FNDC3B: variants seen among roughly 807,000 people sequenced by gnomAD.
FNDC3B encodes the protein fibronectin type III domain-containing protein 3B.
In FNDC3B, 12 loss-of-function variants were observed where a neutral mutation model predicts 151.5. The ratio of observed to expected loss-of-function variants is 0.08; its 90% CI spans 0.05 to 0.13. FNDC3B has a LOEUF of 0.13. FNDC3B is among the 10% of genes least tolerant of loss of function. FNDC3B has a pLI of 1.00. For missense variants in FNDC3B, 1,214 were observed against 1,505.3 expected (o/e 0.81, Z 3.20); for synonymous variants, 528 against 549.0 (o/e 0.96, Z 0.54).
intron 2 of FNDC3B, among the ~76,000 whole-genome samples, chr3:172,128,472 G>A (rs931966665): frequency 6.6e-6 from 1 of 152,056 alleles, no homozygotes; most frequent in African/African-American, 2.4e-5. Context: ...GTGTTCTATG[G>A]CACACAGACT....
intron 3 of FNDC3B, among the ~76,000 whole-genome samples, chr3:172,140,722 G>A (rs1339359336): frequency 6.6e-6 from 1 of 152,216 alleles, no homozygotes; most frequent in East Asian, 1.9e-4. Context: ...AATGTCATGA[G>A]GCTGGGTTAC....
chr3:172,239,856 C>CTTT (rs71179981), intron 4 of FNDC3B, among the ~76,000 whole-genome samples: 1,511 of 49,938 alleles, frequency 0.03, 343 homozygotes, highest in Middle Eastern at 0.048. Context: ...CATTTTAGTT[C>CTTT]TTTTTTTTTT....
At chr3:172,327,943 T>G (rs56931410) in intron 11 of FNDC3B, among the ~76,000 whole-genome samples, 5,567 of 152,314 alleles carry the variant, frequency 0.037, 365 homozygotes, top group African/African-American at 0.13. Flanking sequence ...AATGCTAAGA[T>G]CCACTCAATG....
intron 4 of FNDC3B, among the ~76,000 whole-genome samples, chr3:172,245,215 A>G (rs1439002072): frequency 6.6e-6 from 1 of 152,210 alleles, no homozygotes; most frequent in Non-Finnish European, 1.5e-5. Flanking sequence ...TGATAAAATG[A>G]TCAAATAAAT....
chr3:172,142,498 G>A (rs538162955), intron 3 of FNDC3B, among the ~76,000 whole-genome samples: 3 of 152,160 alleles, frequency 2.0e-5, no homozygotes, highest in Non-Finnish European at 2.9e-5. Context: ...GAGCAGTGTC[G>A]CATTACCTCA....
At chr3:172,187,998 T>TG (rs1724286664) in intron 3 of FNDC3B, among the ~76,000 whole-genome samples, 2 of 138,890 alleles carry the variant, frequency 1.4e-5, no homozygotes, top group African/African-American at 5.4e-5. Context: ...TTTAAGCAGT[T>TG]TTTTTTTTTT....
At chr3:172,065,276 G>C (rs1435188652) in intron 1 of FNDC3B, among the ~76,000 whole-genome samples, 1 of 152,194 alleles carries the variant, frequency 6.6e-6, no homozygotes, top group African/African-American at 2.4e-5. Context: ...AGGTTGCAGT[G>C]AGCTGAGATC....
At chr3:172,313,147 C>T (rs1463652868) in intron 11 of FNDC3B, among the ~76,000 whole-genome samples, 3 of 149,632 alleles carry the variant, frequency 2.0e-5, no homozygotes, top group East Asian at 1.9e-4. Context: ...CCAGGTTAAT[C>T]GACTCTCATC....
intron 2 of FNDC3B, among the ~76,000 whole-genome samples, chr3:172,124,968 A>G (rs1378186676): frequency 6.6e-6 from 1 of 152,340 alleles, no homozygotes; most frequent in East Asian, 1.9e-4. Context: ...AGTATTTGCA[A>G]CTGGCAAATC....
At chr3:172,269,593 G>A (rs1206502634) in intron 6 of FNDC3B, among the ~76,000 whole-genome samples, 1 of 152,126 alleles carries the variant, frequency 6.6e-6, no homozygotes, top group Non-Finnish European at 1.5e-5. Flanking sequence ...TCAGATTGTA[G>A]AGCCAACTGT....
chr3:172,251,267 A>G lies in FNDC3B; in HGVS notation c.516A>G (p.Ile172Met), dbSNP rs2108775833. The G allele has an allele frequency of 6.2e-7, 1 of 1,606,940 alleles. No individual in the cohort carries two copies. The highest frequency in any genetic ancestry group is 8.5e-7 in the Non-Finnish European group (1 of 1,174,764). Residue 172 changes from isoleucine to methionine, a missense_variant, in exon 6 of 26, where the codon ATA (isoleucine) becomes ATG (methionine). By Grantham distance (10) the Ile-to-Met change is conservative. This residue lies in a region of FNDC3B where 166 missense variants were observed against 173.2 expected (regional missense o/e 0.96). Coordinates refer to ENST00000415807, the MANE Select transcript of FNDC3B (RefSeq NM_022763.4). Reference protein sequence around the residue: ...PHTIYGEQEIIPFYGMSTYIT... With the variant: ...PHTIYGEQEIMPFYGMSTYIT... ...CATAATCATCCATTTTAGAAATTAT[A>G]CCATTTTATGGAATGTCAACCTACA...
chr3:172,271,479 C>T (rs1169440409), intron 6 of FNDC3B, among the ~76,000 whole-genome samples: 2 of 151,378 alleles, frequency 1.3e-5, no homozygotes, highest in Non-Finnish European at 3.0e-5. Flanking sequence ...TATTACTCAG[C>T]ACATTTTTTG....
chr3:172,058,038 T>C (rs564645070), intron 1 of FNDC3B, among the ~76,000 whole-genome samples: 1 of 152,326 alleles, frequency 6.6e-6, no homozygotes, highest in African/African-American at 2.4e-5. Context: ...ACTGAAATCA[T>C]GTATGGATTT....
At chr3:172,259,173 C>T (rs534982949) in intron 6 of FNDC3B, among the ~76,000 whole-genome samples, 1 of 152,254 alleles carries the variant, frequency 6.6e-6, no homozygotes, top group South Asian at 2.1e-4. Flanking sequence ...GAGCTCAGGT[C>T]AGTGGAATTC....
chr3:172,347,159 T>G, intron 20 of FNDC3B, 53 bp from the exon 21 acceptor site: 2 of 1,523,654 alleles, frequency 1.3e-6, no homozygotes, highest in Non-Finnish European at 1.8e-6. Context: ...ACAAGCACAG[T>G]AGGATTCTCT....
At chr3:172,346,670 C>T (rs1733631654) in intron 20 of FNDC3B, among the ~76,000 whole-genome samples, 1 of 151,762 alleles carries the variant, frequency 6.6e-6, no homozygotes, top group African/African-American at 2.4e-5. Flanking sequence ...TTTCTCATGC[C>T]TTTCTTTTTG....
In FNDC3B at chr3:172,262,715, CA is replaced by C. The variant is rs573201098; in HGVS notation, c.790+11175del. 4.4e-3 allele frequency among the ~76,000 whole-genome samples: 664 copies of C among 151,006 alleles called. 2 individuals are homozygous for C. Among genetic ancestry groups the C allele is most frequent in the Non-Finnish European group, 6.9e-3 (466 of 67,816 alleles). ...CCCAGGAGTTCAAGACCAGCCTGGA[CA>C]GCATAGCAAGACCCCATCTCTGACA... is the stretch of plus-strand genomic sequence containing the variant. On this transcript the variant is annotated intron_variant, in intron 6 of 25. Transcript: ENST00000415807.
Position 172,337,386 on chromosome 3 carries a change from G to A in FNDC3B, c.1837G>A (p.Asp613Asn), listed in dbSNP as rs757044184. The A allele has an allele frequency of 1.2e-5, 19 of 1,611,816 alleles. No homozygotes were observed. In the African/African-American group the frequency reaches 2.0e-4, roughly 17 times the overall value. Residue 613 changes from aspartate to asparagine, a missense_variant, in exon 16 of 26, where the codon GAT (aspartate) becomes AAT (asparagine). Physicochemically the swap from Asp to Asn is conservative, Grantham distance 23 (BLOSUM62 1). Coordinates refer to ENST00000415807, the MANE Select transcript of FNDC3B (RefSeq NM_022763.4). ...EILKYLLEIT[D>N]GNSEANQWEV... is the part of the protein sequence containing the mutation. The stretch of plus-strand genomic sequence containing the variant: ...CCTCAAGTACTTGCTAGAGATTACT[G>A]ATGGAAATTCTGAAGGTGAAGTTTT...
intron 2 of FNDC3B, among the ~76,000 whole-genome samples, chr3:172,132,423 T>G (rs1638753381): frequency 6.6e-6 from 1 of 152,196 alleles, no homozygotes; most frequent in Non-Finnish European, 1.5e-5. Context: ...TGGTTGTTTT[T>G]GAGATGGAGT....
Sources: gnomAD v4.1 joint callset for allele counts (sites outside exome capture counted in the v4.1 genomes callset) on GRCh38, gnomAD v4.1.1 for gene constraint, gnomAD v4.1.1 regional missense constraint, MANE v1.5 for transcripts, NCBI Gene and HGNC (gene_info 2026-07-23, HGNC 2026-07-21) for gene names.